Variants in GRM8 observed in about 807,000 individuals in gnomAD.
GRM8 encodes the protein glutamate metabotropic receptor 8, also known as metabotropic glutamate receptor 8.
Under a neutral mutation model 87.2 loss-of-function variants are expected in GRM8, and 47 were observed. That is an observed-to-expected ratio of 0.54 (90% confidence interval 0.43 to 0.69). The LOEUF (loss-of-function observed/expected upper bound fraction) is 0.69. Among genes scored for constraint, GRM8 ranks in the 30% least tolerant of loss-of-function variants. GRM8 has a pLI of 0.00. For synonymous variants in GRM8, 396 were observed against 404.5 expected, an observed-to-expected ratio of 0.98 and a Z score of 0.25; for missense variants, 1,019 against 1,139.2, an observed-to-expected ratio of 0.89 and a Z score of 1.52.
chr7:126,818,942 C>G (rs12706747), intron 6 of GRM8, among the ~76,000 whole-genome samples: 1 of 151,792 alleles, frequency 6.6e-6, no homozygotes, highest in Non-Finnish European at 1.5e-5. Context: ...CCTTCCAAAT[C>G]CAATTATTAC....
intron 2 of GRM8, chr7:127,228,945 T>G (rs1395009373): frequency 2.6e-5 from 4 of 152,218 alleles, no homozygotes; most frequent in Admixed American, 6.5e-5. Flanking sequence ...TTAACGCTAT[T>G]AATTTAAACA....
chr7:126,879,779 T>C (rs1799863802), intron 6 of GRM8, among the ~76,000 whole-genome samples: 1 of 152,230 alleles, frequency 6.6e-6, no homozygotes, highest in African/African-American at 2.4e-5. Context: ...TATCTGAAAT[T>C]ATATTTAAGG....
chr7:126,468,208 C>CA (rs1185048591), intron 9 of GRM8, among the ~76,000 whole-genome samples: 4 of 151,872 alleles, frequency 2.6e-5, no homozygotes, highest in Admixed American at 6.6e-5. Context: ...ACAACTGGTG[C>CA]AAAAAGAATT....
At chr7:126,554,254 A>G (rs1353959296) in intron 8 of GRM8, among the ~76,000 whole-genome samples, 1 of 152,046 alleles carries the variant, frequency 6.6e-6, no homozygotes, top group African/African-American at 2.4e-5. Flanking sequence ...TAAGTTTTAG[A>G]GAAACCAACT....
chr7:126,793,938 C>T (rs1821655176), intron 6 of GRM8, among the ~76,000 whole-genome samples: 1 of 151,980 alleles, frequency 6.6e-6, no homozygotes, highest in African/African-American at 2.4e-5. Context: ...ATCAATAATG[C>T]CTTAATAGAT....
intron 3 of GRM8, among the ~76,000 whole-genome samples, chr7:126,906,925 T>C (rs1333852092): frequency 2.6e-5 from 4 of 152,182 alleles, no homozygotes; most frequent in Non-Finnish European, 5.9e-5. Context: ...TAAATATTTC[T>C]TGAGTGCCCC....
intron 7 of GRM8, among the ~76,000 whole-genome samples, chr7:126,641,340 A>G (rs1051539701): frequency 2.0e-5 from 3 of 152,346 alleles, no homozygotes; most frequent in Non-Finnish European, 4.4e-5. Context: ...AAGCTCTAGA[A>G]TAACACATAC....
intron 5 of GRM8, among the ~76,000 whole-genome samples, chr7:126,903,769 G>GTATATATATA (rs1563300863): frequency 8.5e-5 from 10 of 117,820 alleles, no homozygotes; most frequent in African/African-American, 3.7e-4. Flanking sequence ...ATATATATGT[G>GTATATATATA]TGTGTGTATA....
chr7:127,226,703 C>T (rs994508749), intron 2 of GRM8, among the ~76,000 whole-genome samples: 17 of 152,338 alleles, frequency 1.1e-4, no homozygotes, highest in African/African-American at 3.6e-4. Context: ...TAATTTGGCT[C>T]TTTCTGTCTT....
At chr7:126,976,076 A>G (rs1380776747) in intron 3 of GRM8, among the ~76,000 whole-genome samples, 1 of 152,248 alleles carries the variant, frequency 6.6e-6, no homozygotes. Flanking sequence ...TGAAAAACAC[A>G]TGGATATGGA....
At chr7:126,982,489 C>G (rs1424829532) in intron 3 of GRM8, among the ~76,000 whole-genome samples, 1 of 152,144 alleles carries the variant, frequency 6.6e-6, no homozygotes, top group South Asian at 2.1e-4. Context: ...GTCATAATTA[C>G]ACCTAATATA....
At chr7:126,916,709 TAAG>T (rs1233700400) in intron 3 of GRM8, among the ~76,000 whole-genome samples, 2 of 152,198 alleles carry the variant, frequency 1.3e-5, no homozygotes, top group Non-Finnish European at 2.9e-5. Flanking sequence ...ATTCTCAATT[TAAG>T]AAAGAAGAAA....
chr7:126,729,046 C>G (rs924461687), intron 7 of GRM8, among the ~76,000 whole-genome samples: 13 of 152,118 alleles, frequency 8.5e-5, no homozygotes, highest in Non-Finnish European at 1.5e-4. Context: ...CCTCACCCTG[C>G]CATAAAGGCT....
At chr7:126,632,994 C>T (rs572946658) in intron 7 of GRM8, among the ~76,000 whole-genome samples, 3 of 152,026 alleles carry the variant, frequency 2.0e-5, no homozygotes, top group Non-Finnish European at 2.9e-5. Flanking sequence ...AATTTTTCCT[C>T]TTTATTATTT....
intron 6 of GRM8, among the ~76,000 whole-genome samples, chr7:126,878,161 G>A (rs1402570848): frequency 1.3e-5 from 2 of 152,192 alleles, no homozygotes; most frequent in South Asian, 2.1e-4. Context: ...ACCACCTAAC[G>A]CTAGGCATGC....
chr7:126,479,131 A>G (rs1806356166), intron 9 of GRM8, among the ~76,000 whole-genome samples: 1 of 152,108 alleles, frequency 6.6e-6, no homozygotes, highest in Non-Finnish European at 1.5e-5. Flanking sequence ...ATATATGATA[A>G]TATTCTGTTC....
intron 6 of GRM8, among the ~76,000 whole-genome samples, chr7:126,896,948 T>C: frequency 6.6e-6 from 1 of 152,174 alleles, no homozygotes; most frequent in Non-Finnish European, 1.5e-5. Flanking sequence ...AAGGGAGGTC[T>C]GTTGTTTGTC....
At chr7:127,109,792 G>A (rs995912637) in intron 2 of GRM8, among the ~76,000 whole-genome samples, 1 of 152,138 alleles carries the variant, frequency 6.6e-6, no homozygotes, top group African/African-American at 2.4e-5. Context: ...AACTGCTGCA[G>A]GAAATTTAAT....
chr7:126,591,302 G>C (rs1469575346), intron 8 of GRM8, among the ~76,000 whole-genome samples: 1 of 151,998 alleles, frequency 6.6e-6, no homozygotes, highest in African/African-American at 2.4e-5. Context: ...ACAATGATAA[G>C]AGGCCTTGTA....
Sources: allele counts gnomAD v4.1 joint callset (sites outside exome capture counted in the v4.1 genomes callset), GRCh38; gene constraint gnomAD v4.1.1; transcripts MANE v1.5; gene names NCBI Gene and HGNC (gene_info 2026-07-23, HGNC 2026-07-21).